The following EPHB1 variants were observed in gnomAD, a reference collection of about 807,000 sequenced individuals.
EPHB1 encodes EPH receptor B1, also known as ephrin type-B receptor 1.
EPHB1 carries 30 observed loss-of-function variants against 94.4 expected under a neutral mutation model. The ratio of observed to expected loss-of-function variants is 0.32; its 90% CI spans 0.24 to 0.43. EPHB1 has a LOEUF of 0.43. Among genes scored for constraint, EPHB1 ranks in the 20% least tolerant of loss-of-function variants. The pLI is 1.00. For missense variants in EPHB1, 1,055 were observed against 1,308.3 expected (o/e 0.81, Z 2.99); for synonymous variants, 522 against 489.1 (o/e 1.07, Z -0.89).
At chr3:134,859,075 G>A (rs1244783566) in intron 1 of EPHB1, among the ~76,000 whole-genome samples, 1 of 152,206 alleles carries the variant, frequency 6.6e-6, no homozygotes, top group African/African-American at 2.4e-5. Flanking sequence ...AGTTTATAGG[G>A]CTTTTTCTTT....
intron 3 of EPHB1, among the ~76,000 whole-genome samples, chr3:135,088,883 A>G (rs1938458783): frequency 6.6e-6 from 1 of 152,268 alleles, no homozygotes; most frequent in African/African-American, 2.4e-5. Context: ...AATAGAAAAT[A>G]TTAACTGCTA....
rs2108298482 is a variant in EPHB1 at position 134,847,674 on chromosome 3, T to C, written c.58+51985T>C. 1.3e-5 allele frequency among the ~76,000 whole-genome samples: 2 copies of C among 152,310 alleles called. 1 individual carries two copies. The highest frequency in any genetic ancestry group is 4.1e-4 in the South Asian group (2 of 4,822). ...GGGAACCAGAAGGTCTTGGCCAGGG[T>C]GCATCCTCACGAGTATCACAGAGTC... On this transcript the variant is annotated intron_variant, in intron 1 of 15. Transcript: ENST00000398015.
chr3:134,961,212 C>T (rs991025670), intron 3 of EPHB1, among the ~76,000 whole-genome samples: 3 of 152,186 alleles, frequency 2.0e-5, no homozygotes, highest in African/African-American at 7.2e-5. Flanking sequence ...AAAGTGTTCA[C>T]AATGTCCAGA....
In EPHB1 at chr3:135,201,650, C is replaced by T. The variant is rs1942759953; in HGVS notation, c.2307C>T (p.Leu769=). 6.2e-7 allele frequency: 1 copy of T among 1,613,786 alleles called. No individual in the cohort carries two copies. The highest frequency in any genetic ancestry group is 1.3e-5 in the African/African-American group (1 of 74,900). ...KVSDFGLSRY[L]QDDTSDPTYT... ...CCGACTTTGGCCTCTCCCGCTACCT[C>T]CAGGATGACACCTCAGATCCCACCT... Residue 769 remains leucine (L), a synonymous_variant, in exon 12 of 16, where the codon CTC becomes CTT. Coordinates refer to ENST00000398015, the MANE Select transcript of EPHB1 (RefSeq NM_004441.5).
At chr3:134,822,342 C>T (rs1421400768) in intron 1 of EPHB1, among the ~76,000 whole-genome samples, 1 of 152,146 alleles carries the variant, frequency 6.6e-6, no homozygotes, top group African/African-American at 2.4e-5. Flanking sequence ...TTCCTGGGCC[C>T]CTGGCCTCTC....
chr3:135,199,580 T>C (rs969409803), intron 11 of EPHB1, among the ~76,000 whole-genome samples: 1 of 152,210 alleles, frequency 6.6e-6, no homozygotes, highest in African/African-American at 2.4e-5. Flanking sequence ...AAGTTAGAGT[T>C]AGAAATAGCC....
intron 2 of EPHB1, among the ~76,000 whole-genome samples, chr3:134,937,338 TG>T (rs1250282236): frequency 6.6e-6 from 1 of 152,096 alleles, no homozygotes; most frequent in Non-Finnish European, 1.5e-5. Flanking sequence ...CAGAATGTGG[TG>T]GGGGTGTCCT....
At chr3:134,873,491 C>T (rs2037545275) in intron 1 of EPHB1, among the ~76,000 whole-genome samples, 2 of 152,366 alleles carry the variant, frequency 1.3e-5, no homozygotes, top group South Asian at 4.1e-4. Context: ...TAGTCTGCAT[C>T]TCTGCAGTAA....
intron 1 of EPHB1, among the ~76,000 whole-genome samples, chr3:134,798,647 C>T (rs1437217824): frequency 6.6e-6 from 1 of 152,190 alleles, no homozygotes; most frequent in Non-Finnish European, 1.5e-5. Context: ...AGCCAGGCCT[C>T]TTTGCTCAGC....
At chr3:135,192,450 G>A in intron 10 of EPHB1, 126 bp from the exon 11 acceptor site, 3 of 1,124,222 alleles carry the variant, frequency 2.7e-6, no homozygotes, top group Non-Finnish European at 3.7e-6. Flanking sequence ...AGAGAAGACT[G>A]TTTTAATTTC....
chr3:135,113,428 T>C (rs1939545594), intron 4 of EPHB1, among the ~76,000 whole-genome samples: 1 of 152,210 alleles, frequency 6.6e-6, no homozygotes, highest in African/African-American at 2.4e-5. Flanking sequence ...TGTTTCAGAA[T>C]TTCACAAGAG....
chr3:134,935,848 T>G (rs1341049011), intron 2 of EPHB1, among the ~76,000 whole-genome samples: 1 of 152,196 alleles, frequency 6.6e-6, no homozygotes, highest in African/African-American at 2.4e-5. Context: ...ACTATTACAC[T>G]AATCATCACG....
At chr3:134,809,977 T>C (rs775531283) in intron 1 of EPHB1, among the ~76,000 whole-genome samples, 1 of 152,222 alleles carries the variant, frequency 6.6e-6, no homozygotes, top group Non-Finnish European at 1.5e-5. Context: ...AATTGGAACA[T>C]GCCAAGGAGA....
intron 4 of EPHB1, among the ~76,000 whole-genome samples, chr3:135,118,197 G>A (rs9864760): frequency 0.19 from 29,399 of 152,072 alleles, 3,033 homozygotes; most frequent in South Asian, 0.29. Flanking sequence ...ACCCACACCC[G>A]TCTGCACAGG....
At chr3:135,089,909 GTGCA>G (rs1161523231) in intron 3 of EPHB1, among the ~76,000 whole-genome samples, 1 of 152,172 alleles carries the variant, frequency 6.6e-6, no homozygotes, top group Non-Finnish European at 1.5e-5. Flanking sequence ...TTCCCTAAGT[GTGCA>G]TTGAGATCTA....
intron 1 of EPHB1, among the ~76,000 whole-genome samples, chr3:134,815,143 G>C (rs1314276270): frequency 6.6e-6 from 1 of 152,144 alleles, no homozygotes; most frequent in Non-Finnish European, 1.5e-5. Flanking sequence ...ATATGATTTG[G>C]ACAACAAACA....
At chr3:134,924,729 T>C (rs983203437) in intron 1 of EPHB1, among the ~76,000 whole-genome samples, 6 of 152,174 alleles carry the variant, frequency 3.9e-5, no homozygotes, top group Admixed American at 2.6e-4. Context: ...AAAAAGAAAT[T>C]AGCTATTGGT....
At chr3:134,879,608 T>C (rs571020946) in intron 1 of EPHB1, among the ~76,000 whole-genome samples, 2 of 152,108 alleles carry the variant, frequency 1.3e-5, no homozygotes, top group Non-Finnish European at 2.9e-5. Flanking sequence ...GCCCAGATCA[T>C]GCCACTGTAC....
chr3:135,046,062 T>C (rs1936987969), intron 3 of EPHB1, among the ~76,000 whole-genome samples: 2 of 152,240 alleles, frequency 1.3e-5, no homozygotes, highest in South Asian at 4.1e-4. Flanking sequence ...AGGCTATAGC[T>C]GTCTTCTACT....
Sources: allele counts gnomAD v4.1 joint callset (sites outside exome capture counted in the v4.1 genomes callset), GRCh38; gene constraint gnomAD v4.1.1; transcripts MANE v1.5; gene names NCBI Gene and HGNC (gene_info 2026-07-23, HGNC 2026-07-21).